Variants in CHMP1A observed in about 807,000 individuals in gnomAD.
The protein encoded by CHMP1A is charged multivesicular body protein 1A.
In CHMP1A, 17 loss-of-function variants were observed where a neutral mutation model predicts 27.0. The ratio of observed to expected loss-of-function variants is 0.63; its 90% CI spans 0.43 to 0.95. The LOEUF (loss-of-function observed/expected upper bound fraction) is 0.95. Among genes scored for constraint, CHMP1A ranks in the 40% least tolerant of loss-of-function variants. The pLI, the probability that CHMP1A is intolerant of heterozygous loss-of-function variation, is 0.00. For synonymous variants in CHMP1A, 131 were observed against 107.5 expected (o/e 1.22, Z -1.35); for missense variants, 275 against 264.0 (o/e 1.04, Z -0.29).
At position 89,645,286 on chromosome 16, in the gene CHMP1A, C is replaced by T. The variant is rs984140621; in HGVS notation, c.*780G>A. On this transcript the variant is annotated 3_prime_UTR_variant, in exon 7 of 7. Coordinates refer to ENST00000397901, the MANE Select transcript of CHMP1A (RefSeq NM_002768.5). ...GCAGACGCACCCGCTGGGACCGCAG[C>T]CTGCTGGTGGACAGGCTCCCTGTCG... 1 of 152,706 alleles carries T rather than the reference C, an allele frequency of 6.5e-6. No individual in the cohort carries two copies. The highest frequency in any genetic ancestry group is 2.4e-5 in the African/African-American group (1 of 41,574). 9.5% of individuals were successfully genotyped at this position (152,706 alleles called of 1,614,324 possible).
chr16:89,645,897 A>G lies in CHMP1A; in HGVS notation c.*169T>C, dbSNP rs777737345. On this transcript the variant is annotated 3_prime_UTR_variant, in exon 7 of 7. Transcript: ENST00000397901. ...GGACACAGACCCACCGCCCAACCTA[A>G]AAGAACAGGAACAACCCTAAGGCCA... The G allele has an allele frequency of 1.8e-5, 29 of 1,595,660 alleles. No individual in the cohort carries two copies. In the South Asian group the frequency reaches 3.2e-4, roughly 17 times the overall value.
intron 1 of CHMP1A, among the ~76,000 whole-genome samples, chr16:89,656,274 C>G (rs1405719890): frequency 6.6e-6 from 1 of 152,080 alleles, no homozygotes; most frequent in East Asian, 1.9e-4. Context: ...GTAGCTGGGA[C>G]TACAGGCACC....
chr16:89,656,847 G>C (rs548067498), intron 1 of CHMP1A, among the ~76,000 whole-genome samples: 2 of 152,242 alleles, frequency 1.3e-5, no homozygotes, highest in African/African-American at 4.8e-5. Context: ...GAGCTGGCGG[G>C]AAAGGGCGCC....
chr16:89,646,432 A>C, intron 6 of CHMP1A, 95 bp downstream of exon 6: 1 of 1,327,506 alleles, frequency 7.5e-7, no homozygotes, highest in South Asian at 1.4e-5. Context: ...CCTCAGCCCA[A>C]GCTCTCCTCC....
chr16:89,649,566 T>C, intron 3 of CHMP1A, 69 bp from the exon 4 acceptor site: 1 of 1,460,454 alleles, frequency 6.8e-7, no homozygotes, highest in South Asian at 1.2e-5. Flanking sequence ...GGAGCCCAGT[T>C]TTTGTTTTGT....
Position 89,645,921 on chromosome 16 carries a change from C to T in CHMP1A, c.*145G>A, listed in dbSNP as rs372255335. 10 of 1,609,794 alleles carry T rather than the reference C, an allele frequency of 6.2e-6. No individual in the cohort carries two copies. Among genetic ancestry groups the T allele is most frequent in the Non-Finnish European group, 8.5e-6 (10 of 1,178,262 alleles). On this transcript the variant is annotated 3_prime_UTR_variant, in exon 7 of 7. Coordinates refer to ENST00000397901, the MANE Select transcript of CHMP1A (RefSeq NM_002768.5). ...AAAAGAACAGGAACAACCCTAAGGCCACGCAGGCCTGGCAGGTGAGAGACG... is the reference window on the plus strand; with the variant it reads ...AAAAGAACAGGAACAACCCTAAGGCTACGCAGGCCTGGCAGGTGAGAGACG...
intron 3 of CHMP1A, chr16:89,649,718 G>A: frequency 1.9e-6 from 1 of 518,532 alleles, no homozygotes; most frequent in South Asian, 2.4e-5. Flanking sequence ...TGGGACTACA[G>A]GCGCCCGCCA....
chr16:89,646,839 T>C (rs1267093716), intron 5 of CHMP1A, 125 bp from the exon 6 acceptor site: 1 of 1,116,050 alleles, frequency 9.0e-7, no homozygotes, highest in African/African-American at 1.6e-5. Flanking sequence ...TGCCCTGTTC[T>C]CTCAGTGACT....
Position 89,657,630 on chromosome 16 carries a change from C to T in CHMP1A, c.-42G>A, listed in dbSNP as rs377660540. ...GCAGCACTCGGAGAGGGAGAAGGGA[C>T]GCCAACTCCGGGCGGTGTCAGGTCC... On this transcript the variant is annotated 5_prime_UTR_variant, in exon 1 of 7. Coordinates refer to ENST00000397901, the MANE Select transcript of CHMP1A (RefSeq NM_002768.5). The T allele has an allele frequency of 8.9e-5, 143 of 1,608,928 alleles. No homozygotes were observed. The African/African-American group carries it at 1.9e-3, about 21-fold the overall frequency.
In CHMP1A at chr16:89,646,875, G is replaced by A. The variant is rs1209992426; in HGVS notation, c.382-161C>T. 3 of 946,006 alleles carry A rather than the reference G, an allele frequency of 3.2e-6. No individual in the cohort carries two copies. In the African/African-American group the frequency reaches 4.9e-5, roughly 15 times the overall value. 58.6% of individuals were successfully genotyped at this position (946,006 alleles called of 1,614,324 possible). On this transcript the variant is annotated intron_variant, in intron 5 of 6. Transcript: ENST00000397901. ...CTCTCTGTCTCACCTTCCACCAGGA[G>A]CCTTTCCTGCCCCCCCACCCAGCCC... is the stretch of plus-strand genomic sequence containing the variant.
chr16:89,650,077 G>A (rs868435227), intron 3 of CHMP1A, among the ~76,000 whole-genome samples: 1 of 152,180 alleles, frequency 6.6e-6, no homozygotes, highest in Non-Finnish European at 1.5e-5. Flanking sequence ...CATTCTCCCT[G>A]GGAGCCTGGC....
rs772460403 is a variant in CHMP1A, at chr16:89,653,911, T to C, written c.20A>G (p.Gln7Arg). 2.5e-6 allele frequency: 4 copies of C among 1,613,624 alleles called. No individual in the cohort carries two copies. The Admixed American group carries it at 6.7e-5, about 27-fold the overall frequency. MDDTLFQLKFTAKQLEK... is the reference protein window; with the variant it reads MDDTLFRLKFTAKQLEK... The stretch of plus-strand genomic sequence containing the variant: ...CGGCCATTCGGTACATACCTTCAAC[T>C]GGAACAGGGTATCTGCAAAGAAAGA... The change falls in exon 2 of 7, where the codon CAG becomes CGG. Residue 7 changes from glutamine to arginine, a missense_variant. By Grantham distance (43) the Gln-to-Arg change is conservative. Coordinates refer to ENST00000397901, the MANE Select transcript of CHMP1A (RefSeq NM_002768.5).
At chr16:89,648,368 AGCGCGGGGTCGGTGG>A (rs2059795608) in intron 4 of CHMP1A, among the ~76,000 whole-genome samples, 1 of 87,066 alleles carries the variant, frequency 1.1e-5, no homozygotes, top group Non-Finnish European at 2.3e-5. Context: ...GTGGAGACCC[AGCGCGGGGTCGGTGG>A]AGAAAAGGCC....
intron 4 of CHMP1A, among the ~76,000 whole-genome samples, chr16:89,649,013 A>G (rs1469196672): frequency 2.6e-5 from 4 of 151,798 alleles, no homozygotes; most frequent in Admixed American, 6.6e-5. Flanking sequence ...TGACAGAGCA[A>G]GACAGTCTCT....
chr16:89,656,831 C>A (rs535514217), intron 1 of CHMP1A, among the ~76,000 whole-genome samples: 6 of 152,198 alleles, frequency 3.9e-5, no homozygotes, highest in Non-Finnish European at 5.9e-5. Flanking sequence ...CACAGTCCCC[C>A]CTACCGAGCT....
At chr16:89,651,361 A>T (rs2059822043) in intron 3 of CHMP1A, among the ~76,000 whole-genome samples, 3 of 146,726 alleles carry the variant, frequency 2.0e-5, no homozygotes. Flanking sequence ...ACAGAGCAAG[A>T]CTCCGTCTCA....
intron 3 of CHMP1A, among the ~76,000 whole-genome samples, chr16:89,651,019 C>T (rs2059819544): frequency 6.6e-6 from 1 of 152,260 alleles, no homozygotes; most frequent in East Asian, 1.9e-4. Flanking sequence ...CCACACACAG[C>T]ACCTCCCTTC....
At chr16:89,655,420 TC>T (rs67261841) in intron 1 of CHMP1A, among the ~76,000 whole-genome samples, 10 of 74,466 alleles carry the variant, frequency 1.3e-4, no homozygotes, top group South Asian at 3.6e-4. Context: ...ACCTCAGCTT[TC>T]CCTCACCTCA....
intron 1 of CHMP1A, among the ~76,000 whole-genome samples, chr16:89,656,437 C>T (rs1296009756): frequency 2.0e-5 from 3 of 152,206 alleles, no homozygotes; most frequent in African/African-American, 7.2e-5. Context: ...GCGCCCAGCC[C>T]TTCAAAAAGT....
Sources: allele counts gnomAD v4.1 joint callset (sites outside exome capture counted in the v4.1 genomes callset), GRCh38; gene constraint gnomAD v4.1.1; transcripts MANE v1.5; gene names NCBI Gene and HGNC (gene_info 2026-07-23, HGNC 2026-07-21).